Variants in RASEF observed in about 807,000 individuals in gnomAD.
RASEF encodes RAS and EF-hand domain containing.
A neutral mutation model predicts 90.1 loss-of-function variants in RASEF; 68 were observed. The observed-to-expected ratio is 0.75, with a 90% CI of 0.62 to 0.92. RASEF has a LOEUF of 0.92. Among genes scored for constraint, RASEF ranks in the 40% least tolerant of loss-of-function variants. The pLI, the probability that RASEF is intolerant of heterozygous loss-of-function variation, is 0.00. For missense variants in RASEF, 949 were observed against 937.2 expected (o/e 1.01, Z -0.16); for synonymous variants, 331 against 345.2 (o/e 0.96, Z 0.46).
At chr9:83,168,076 G>A in the RASEF span, among the ~76,000 whole-genome samples, 1 of 152,058 alleles carries the variant, frequency 6.6e-6, no homozygotes, top group South Asian at 2.1e-4. Flanking sequence ...TAAAGTTGAG[G>A]AACTGCCAAA....
At chr9:83,086,104 G>A in the RASEF span, among the ~76,000 whole-genome samples, 1 of 152,040 alleles carries the variant, frequency 6.6e-6, no homozygotes, top group East Asian at 1.9e-4. Context: ...GATGCTTTAA[G>A]CAATCAATTA....
At chr9:83,159,258 C>T in the RASEF span, among the ~76,000 whole-genome samples, 1 of 151,532 alleles carries the variant, frequency 6.6e-6, no homozygotes, top group East Asian at 1.9e-4. Flanking sequence ...TCCAATTAAT[C>T]AAATTTTAGG....
At chr9:83,070,694 T>C in the RASEF span, among the ~76,000 whole-genome samples, 873 of 152,302 alleles carry the variant, frequency 5.7e-3, 16 homozygotes, top group African/African-American at 0.02. Context: ...ATCATGATTG[T>C]GTTGAATCTT....
chr9:83,097,913 G>A, the RASEF span, among the ~76,000 whole-genome samples: 1 of 152,056 alleles, frequency 6.6e-6, no homozygotes, highest in African/African-American at 2.4e-5. Context: ...TCCTAGGTAG[G>A]CCTTTTATAG....
the RASEF span, among the ~76,000 whole-genome samples, chr9:83,089,884 T>C: frequency 6.9e-6 from 1 of 145,282 alleles, no homozygotes; most frequent in South Asian, 2.3e-4. Flanking sequence ...TGGGACTTTA[T>C]AGATAGATGA....
rs1744356568 is a variant in RASEF at position 83,009,686 on chromosome 9, TCTAA to T, written c.910_913del (p.Leu304MetfsTer3). ...ATCAGCATAATCACTTTTCAAAGCA[TCTAA>T]CTCACTCTGAAGAAAGGCTATGTTT... On this transcript the variant is annotated frameshift_variant, in exon 6 of 17. Coordinates refer to ENST00000376447, the MANE Select transcript of RASEF (RefSeq NM_152573.4). LOFTEE classifies it high-confidence loss of function. 2 of 1,613,388 alleles carry T rather than the reference TCTAA, an allele frequency of 1.2e-6. No individual in the cohort carries two copies. Among genetic ancestry groups the T allele is most frequent in the Non-Finnish European group, 1.7e-6 (2 of 1,179,450 alleles).
intron 1 of RASEF, among the ~76,000 whole-genome samples, chr9:83,049,552 T>TTTA (rs869188001): frequency 2.9e-5 from 4 of 139,530 alleles, no homozygotes; most frequent in African/African-American, 5.7e-5. Context: ...TTTTTTTTTT[T>TTTA]ATTATACTCT....
At chr9:83,082,622 AAG>A in the RASEF span, among the ~76,000 whole-genome samples, 3 of 152,210 alleles carry the variant, frequency 2.0e-5, no homozygotes, top group East Asian at 1.9e-4. Flanking sequence ...GGCAGAAAGA[AAG>A]AGAGAGAAAC....
chr9:83,154,785 C>A, the RASEF span, among the ~76,000 whole-genome samples: 1 of 152,196 alleles, frequency 6.6e-6, no homozygotes, highest in Non-Finnish European at 1.5e-5. Flanking sequence ...AATAAGAATC[C>A]TTGCCTCATT....
At chr9:82,990,340 C>A in intron 16 of RASEF, 51 bp downstream of exon 16, 1 of 1,228,220 alleles carries the variant, frequency 8.1e-7, no homozygotes, top group South Asian at 1.2e-5. Flanking sequence ...AGAAATGTGT[C>A]ATATGCAACA....
At chr9:83,004,441 C>T in intron 9 of RASEF, 57 bp downstream of exon 9, 5 of 255,874 alleles carry the variant, frequency 2.0e-5, no homozygotes, top group Non-Finnish European at 3.1e-5. Flanking sequence ...AGGAAATTTA[C>T]TTTCCTTTTA....
chr9:83,154,149 C>A, the RASEF span, among the ~76,000 whole-genome samples: 1 of 152,174 alleles, frequency 6.6e-6, no homozygotes, highest in Non-Finnish European at 1.5e-5. Flanking sequence ...GTACATTCTG[C>A]CACTTACCAG....
intron 14 of RASEF, among the ~76,000 whole-genome samples, chr9:82,993,869 G>A (rs1282039768): frequency 6.6e-6 from 1 of 152,172 alleles, no homozygotes; most frequent in African/African-American, 2.4e-5. Flanking sequence ...TTCCGCTCCA[G>A]TCTCCTTGTC....
chr9:82,992,269 G>T (rs1376005856), intron 15 of RASEF, among the ~76,000 whole-genome samples: 1 of 152,098 alleles, frequency 6.6e-6, no homozygotes, highest in African/African-American at 2.4e-5. Context: ...GGTAAGACAG[G>T]TCATAACAGA....
At chr9:83,145,102 G>A in the RASEF span, among the ~76,000 whole-genome samples, 1 of 152,040 alleles carries the variant, frequency 6.6e-6, no homozygotes, top group Non-Finnish European at 1.5e-5. Context: ...AATCTTTGGA[G>A]GTGCCTCTTC....
the RASEF span, among the ~76,000 whole-genome samples, chr9:83,128,361 C>T: frequency 6.6e-6 from 1 of 152,032 alleles, no homozygotes; most frequent in Non-Finnish European, 1.5e-5. Flanking sequence ...TGGCTTTCCT[C>T]TGATTGGTCC....
intron 1 of RASEF, 23 bp from the exon 2 acceptor site, chr9:83,025,944 T>G: frequency 6.5e-7 from 1 of 1,532,710 alleles, no homozygotes; most frequent in East Asian, 2.3e-5. Context: ...TAAATAAAAA[T>G]TAAACCAATT....
At chr9:83,094,929 G>T in the RASEF span, among the ~76,000 whole-genome samples, 1 of 152,134 alleles carries the variant, frequency 6.6e-6, no homozygotes, top group Admixed American at 6.6e-5. Flanking sequence ...AATTAAGGTA[G>T]CCTCACGTCC....
chr9:83,088,973 C>T, the RASEF span, among the ~76,000 whole-genome samples: 2 of 151,946 alleles, frequency 1.3e-5, no homozygotes, highest in African/African-American at 4.8e-5. Context: ...GTTTCCTATG[C>T]CAAGTGATTT....
Sources: allele counts gnomAD v4.1 joint callset (sites outside exome capture counted in the v4.1 genomes callset), GRCh38; gene constraint gnomAD v4.1.1; transcripts MANE v1.5; gene names NCBI Gene and HGNC (gene_info 2026-07-23, HGNC 2026-07-21).